The following CNST variants were observed in gnomAD, a reference collection of about 807,000 sequenced individuals.
CNST encodes the protein consortin, connexin sorting protein, also known as consortin.
CNST carries 39 observed loss-of-function variants against 72.4 expected under a neutral mutation model. The observed-to-expected ratio is 0.54, with a 90% confidence interval of 0.42 to 0.70. CNST has a LOEUF of 0.70. Among genes scored for constraint, CNST ranks in the 30% least tolerant of loss-of-function variants. The probability of loss-of-function intolerance (pLI) is 0.00; values close to 1 mark genes in which losing one functional copy is unlikely to be tolerated. For synonymous variants in CNST, 332 were observed against 320.1 expected, an observed-to-expected ratio of 1.04 and a Z score of -0.40; for missense variants, 871 against 868.5, an observed-to-expected ratio of 1.00 and a Z score of -0.04.
intron 1 of CNST, among the ~76,000 whole-genome samples, chr1:246,590,222 A>G (rs1661459373): frequency 6.6e-6 from 1 of 152,158 alleles, no homozygotes; most frequent in Non-Finnish European, 1.5e-5. Context: ...TGATAGATCG[A>G]GCAAGCGTGG....
At chr1:246,576,248 A>AG (rs1164963276) in intron 1 of CNST, among the ~76,000 whole-genome samples, 11 of 122,596 alleles carry the variant, frequency 9.0e-5, no homozygotes, top group African/African-American at 3.4e-4. Context: ...AAAAAAAAAA[A>AG]AAAAAGAAAC....
chr1:246,654,607 G>A (rs774646758), intron 9 of CNST, among the ~76,000 whole-genome samples: 26 of 152,160 alleles, frequency 1.7e-4, no homozygotes, highest in Non-Finnish European at 3.2e-4. Flanking sequence ...TTAAAGATAC[G>A]GATTCTGTTA....
At chr1:246,585,077 T>A (rs1661047014) in intron 1 of CNST, among the ~76,000 whole-genome samples, 1 of 152,220 alleles carries the variant, frequency 6.6e-6, no homozygotes, top group Admixed American at 6.5e-5. Context: ...CCTTAGTCCC[T>A]GTGAGCACTG....
Position 246,566,696 on chromosome 1 carries a change from C to A in CNST, c.-52+33C>A, listed in dbSNP as rs1018315324. 4.5e-5 allele frequency: 18 copies of A among 399,776 alleles called. No individual in the cohort carries two copies. In the Admixed American group the frequency reaches 6.1e-4, roughly 14 times the overall value. 24.8% of individuals were successfully genotyped at this position (399,776 alleles called of 1,614,324 possible). ...GAGGAGGAGCGGGATGCAGGGGACCCGCCGGCTCGCGGCCGGGATGGAAAG... is the reference window on the plus strand; with the variant it reads ...GAGGAGGAGCGGGATGCAGGGGACCAGCCGGCTCGCGGCCGGGATGGAAAG... On this transcript the variant is annotated intron_variant, in intron 1 of 10. Transcript: ENST00000366513.
intron 2 of CNST, among the ~76,000 whole-genome samples, chr1:246,592,913 C>G (rs1026656359): frequency 1.3e-5 from 2 of 152,060 alleles, no homozygotes; most frequent in Admixed American, 6.5e-5. Context: ...GAAAAGGCAG[C>G]CTCTGGTTAT....
At chr1:246,633,718 G>A (rs1270154701) in intron 4 of CNST, among the ~76,000 whole-genome samples, 3 of 150,892 alleles carry the variant, frequency 2.0e-5, no homozygotes, top group Middle Eastern at 3.4e-3. Flanking sequence ...ACTCCAGCCT[G>A]GACTACAGAG....
intron 8 of CNST, among the ~76,000 whole-genome samples, chr1:246,644,917 A>C (rs777148289): frequency 3.2e-4 from 49 of 152,204 alleles, no homozygotes; most frequent in Non-Finnish European, 6.5e-4. Context: ...GGAGGGGCAG[A>C]CAGCAAGCCC....
intron 6 of CNST, among the ~76,000 whole-genome samples, chr1:246,641,261 C>T (rs946663019): frequency 2.6e-5 from 4 of 152,062 alleles, no homozygotes; most frequent in East Asian, 3.8e-4. Context: ...AATAAAGTGG[C>T]GATGAGCATT....
At chr1:246,658,811 A>T (rs1328767186) in intron 9 of CNST, among the ~76,000 whole-genome samples, 1 of 152,200 alleles carries the variant, frequency 6.6e-6, no homozygotes, top group Non-Finnish European at 1.5e-5. Context: ...CATCACCTAC[A>T]GCTTGTAGCA....
At chr1:246,578,632 C>T (rs1246566501) in intron 1 of CNST, among the ~76,000 whole-genome samples, 2 of 151,896 alleles carry the variant, frequency 1.3e-5, no homozygotes, top group Non-Finnish European at 2.9e-5. Context: ...TATCGTGCCA[C>T]TGCACTCCAG....
At position 246,641,886 on chromosome 1, in the gene CNST, A is replaced by G. The variant is rs993186411; in HGVS notation, c.841-55A>G. On this transcript the variant is annotated intron_variant, in intron 7 of 10. Transcript: ENST00000366513. ...TTTCCCAAGTTATTTTCAGCTTCCT[A>G]GTTTAATACAACAGTTTCCCCAAAA... The G allele has an allele frequency of 5.6e-6, 8 of 1,426,026 alleles. No homozygotes were observed. The South Asian group carries it at 6.0e-5, about 11-fold the overall frequency. 88.3% of individuals were successfully genotyped at this position (1,426,026 alleles called of 1,614,324 possible).
intron 9 of CNST, among the ~76,000 whole-genome samples, chr1:246,651,759 G>A (rs566961261): frequency 7.2e-5 from 11 of 152,150 alleles, no homozygotes; most frequent in East Asian, 3.9e-4. Context: ...AGCATGACAC[G>A]TTATCATCAA....
At chr1:246,583,775 G>A (rs1430486597) in intron 1 of CNST, among the ~76,000 whole-genome samples, 1 of 152,184 alleles carries the variant, frequency 6.6e-6, no homozygotes, top group African/African-American at 2.4e-5. Context: ...CAAAGAATTA[G>A]CACTTGTATT....
chr1:246,636,865 A>G (rs1665295218), intron 6 of CNST, among the ~76,000 whole-genome samples: 1 of 152,210 alleles, frequency 6.6e-6, no homozygotes. Context: ...TGGTGAGTGA[A>G]GGATTGTTGC....
At chr1:246,639,825 T>C (rs190953985) in intron 6 of CNST, among the ~76,000 whole-genome samples, 26 of 152,346 alleles carry the variant, frequency 1.7e-4, no homozygotes, top group Admixed American at 6.5e-4. Flanking sequence ...GGCTGAGGCC[T>C]AAAATGGCGT....
intron 9 of CNST, among the ~76,000 whole-genome samples, chr1:246,650,584 C>T (rs1283653081): frequency 6.6e-6 from 1 of 151,834 alleles, no homozygotes; most frequent in Non-Finnish European, 1.5e-5. Context: ...GTAAAATATC[C>T]AGGCAATTGT....
At chr1:246,579,371 G>A (rs1233948806) in intron 1 of CNST, among the ~76,000 whole-genome samples, 1 of 152,102 alleles carries the variant, frequency 6.6e-6, no homozygotes, top group Admixed American at 6.5e-5. Flanking sequence ...CTTATTATAA[G>A]CTCTTCCTCC....
At chr1:246,626,525 T>G (rs146953817) in intron 3 of CNST, among the ~76,000 whole-genome samples, 2,314 of 145,714 alleles carry the variant, frequency 0.016, 23 homozygotes, top group Middle Eastern at 0.039. Context: ...TGGCACAATC[T>G]TGGCTCACTA....
At chr1:246,664,063 G>GA (rs1268839039) in intron 10 of CNST, among the ~76,000 whole-genome samples, 4 of 152,012 alleles carry the variant, frequency 2.6e-5, no homozygotes, top group African/African-American at 4.8e-5. Flanking sequence ...TGCTAATTAT[G>GA]AAAAAAATCA....
Sources: gnomAD v4.1 joint callset for allele counts (sites outside exome capture counted in the v4.1 genomes callset) on GRCh38, gnomAD v4.1.1 for gene constraint, MANE v1.5 for transcripts, NCBI Gene and HGNC (gene_info 2026-07-23, HGNC 2026-07-21) for gene names.